Variants in UGT1A8 observed in about 807,000 individuals in gnomAD.
The protein encoded by UGT1A8 is UDP-glucuronosyltransferase 1A8.
In UGT1A8, 39 loss-of-function variants were observed where a neutral mutation model predicts 45.3. The ratio of observed to expected loss-of-function variants is 0.86; its 90% CI spans 0.67 to 1.12. UGT1A8 has a LOEUF of 1.12. Ranked by LOEUF, UGT1A8 falls within the 50% of genes most tolerant of loss-of-function variation. The pLI is 0.00. For synonymous variants in UGT1A8, 275 were observed against 249.2 expected, an observed-to-expected ratio of 1.10 and a Z score of -0.97; for missense variants, 719 against 664.9, an observed-to-expected ratio of 1.08 and a Z score of -0.90.
At chr2:233,697,108 G>A (rs1275365207) in intron 1 of UGT1A8, among the ~76,000 whole-genome samples, 1 of 152,040 alleles carries the variant, frequency 6.6e-6, no homozygotes, top group African/African-American at 2.4e-5. Context: ...GAGTTTGGAA[G>A]TATTCTCTCC....
intron 1 of UGT1A8, among the ~76,000 whole-genome samples, chr2:233,758,159 G>C (rs1281366344): frequency 2.6e-5 from 4 of 152,206 alleles, no homozygotes; most frequent in Non-Finnish European, 5.9e-5. Flanking sequence ...AATGGGTTCT[G>C]CTTTGGTTTC....
At chr2:233,641,816 A>G (rs1427387948) in intron 1 of UGT1A8, among the ~76,000 whole-genome samples, 5 of 152,100 alleles carry the variant, frequency 3.3e-5, no homozygotes, top group Admixed American at 6.5e-5. Flanking sequence ...TCAGCACTTT[A>G]AATATGTCAT....
At chr2:233,757,538 ATAT>A in intron 1 of UGT1A8, among the ~76,000 whole-genome samples, 1 of 109,754 alleles carries the variant, frequency 9.1e-6, no homozygotes, top group African/African-American at 4.4e-5. Context: ...TGTAAGGAAT[ATAT>A]ATATATATAT....
intron 1 of UGT1A8, chr2:233,743,992 A>G: frequency 1.6e-6 from 2 of 1,255,210 alleles, no homozygotes; most frequent in South Asian, 1.3e-5. Context: ...CGCAGGCCCG[A>G]GTGCTCGGAG....
At chr2:233,748,028 C>T in intron 1 of UGT1A8, 2 of 1,613,550 alleles carry the variant, frequency 1.2e-6, no homozygotes, top group Non-Finnish European at 8.5e-7. Context: ...TCATGCCCAA[C>T]ATGGTCTTCA....
At chr2:233,690,561 A>C in intron 1 of UGT1A8, 1 of 1,289,374 alleles carries the variant, frequency 7.8e-7, no homozygotes, top group Non-Finnish European at 1.0e-6. Context: ...CCCAAGCCTG[A>C]GTCATTCAGC....
intron 1 of UGT1A8, among the ~76,000 whole-genome samples, chr2:233,656,776 G>A (rs561188067): frequency 1.4e-4 from 21 of 152,200 alleles, no homozygotes; most frequent in Admixed American, 8.5e-4. Flanking sequence ...TTGGGGTCCC[G>A]CTGGCCAGGA....
At chr2:233,618,590 G>A (rs372088692) in intron 1 of UGT1A8, 28 bp downstream of exon 1, 1,512 of 1,571,666 alleles carry the variant, frequency 9.6e-4, no homozygotes, top group Non-Finnish European at 1.2e-3. Context: ...TAGCACATTA[G>A]GAATAATCTG....
intron 2 of UGT1A8, 53 bp downstream of exon 2, chr2:233,767,218 C>A: frequency 6.2e-7 from 1 of 1,611,886 alleles, no homozygotes; most frequent in South Asian, 1.1e-5. Context: ...GAGCGCTAAT[C>A]CCAGACTTCC....
chr2:233,736,247 TA>T (rs1432659624), intron 1 of UGT1A8, among the ~76,000 whole-genome samples: 1 of 152,216 alleles, frequency 6.6e-6, no homozygotes, highest in Non-Finnish European at 1.5e-5. Context: ...CTTCTCACTT[TA>T]TTTCATTAAT....
chr2:233,632,221 T>G (rs2073202029), intron 1 of UGT1A8, among the ~76,000 whole-genome samples: 2 of 152,234 alleles, frequency 1.3e-5, no homozygotes, highest in Admixed American at 1.3e-4. Flanking sequence ...AGTACCATGC[T>G]GTTTTTGTTA....
At chr2:233,746,445 G>GA (rs776336389) in intron 1 of UGT1A8, among the ~76,000 whole-genome samples, 23 of 151,700 alleles carry the variant, frequency 1.5e-4, no homozygotes, top group Non-Finnish European at 2.9e-4. Flanking sequence ...AGCTTAAAAA[G>GA]AAAGTACCTT....
At chr2:233,683,817 C>T (rs2074652711) in intron 1 of UGT1A8, among the ~76,000 whole-genome samples, 2 of 152,078 alleles carry the variant, frequency 1.3e-5, no homozygotes, top group African/African-American at 2.4e-5. Flanking sequence ...TATTACTAAA[C>T]TCTCGTATTA....
chr2:233,662,189 T>C (rs2073986807), intron 1 of UGT1A8, among the ~76,000 whole-genome samples: 1 of 152,182 alleles, frequency 6.6e-6, no homozygotes, highest in Non-Finnish European at 1.5e-5. Context: ...TGTGCATAAG[T>C]TTTGATAAAT....
At chr2:233,713,590 C>T in intron 1 of UGT1A8, 1 of 1,613,980 alleles carries the variant, frequency 6.2e-7, no homozygotes, top group Non-Finnish European at 8.5e-7. Flanking sequence ...TTACTAACGA[C>T]CAATTCAGAC....
At chr2:233,671,799 A>T in intron 1 of UGT1A8, 1 of 1,396,000 alleles carries the variant, frequency 7.2e-7, no homozygotes, top group South Asian at 1.7e-5. Context: ...AATCATTGTC[A>T]GTGACTGATT....
At chr2:233,678,387 A>G (rs1247177194) in intron 1 of UGT1A8, among the ~76,000 whole-genome samples, 1 of 152,128 alleles carries the variant, frequency 6.6e-6, no homozygotes, top group East Asian at 1.9e-4. Context: ...TGGGCTGTGG[A>G]GGAGGAGGAG....
At chr2:233,743,650 G>C (rs556129739) in intron 1 of UGT1A8, 34 of 1,367,276 alleles carry the variant, frequency 2.5e-5, no homozygotes, top group East Asian at 9.1e-5. Flanking sequence ...AGCTGAAGAC[G>C]TACTCGAAGG....
At chr2:233,650,611 T>C (rs1387002823) in intron 1 of UGT1A8, among the ~76,000 whole-genome samples, 1 of 152,228 alleles carries the variant, frequency 6.6e-6, no homozygotes, top group Non-Finnish European at 1.5e-5. Context: ...TTGACCATTT[T>C]TCCCATTAAC....
Sources: gnomAD v4.1 joint callset for allele counts (sites outside exome capture counted in the v4.1 genomes callset) on GRCh38, gnomAD v4.1.1 for gene constraint, MANE v1.5 for transcripts, NCBI Gene and HGNC (gene_info 2026-07-23, HGNC 2026-07-21) for gene names.